Variants in DNAI4 observed in about 807,000 individuals in gnomAD.
DNAI4 encodes the protein WD repeat domain 78.
Under a neutral mutation model 105.8 loss-of-function variants are expected in DNAI4, and 85 were observed. The observed-to-expected ratio is 0.80, with a 90% CI of 0.67 to 0.96. The LOEUF (loss-of-function observed/expected upper bound fraction) is 0.96. Ranked by LOEUF, DNAI4 falls within the 40% of genes least tolerant of loss-of-function variation. The pLI is 0.00. For synonymous variants in DNAI4, 352 were observed against 331.5 expected (o/e 1.06, Z -0.67); for missense variants, 1,014 against 1,005.6 (o/e 1.01, Z -0.11).
At chr1:66,878,007 C>T (rs1353882348) in intron 4 of DNAI4, among the ~76,000 whole-genome samples, 1 of 152,060 alleles carries the variant, frequency 6.6e-6, no homozygotes, top group African/African-American at 2.4e-5. Flanking sequence ...TTATTTTCCC[C>T]CCTCTCTCTT....
intron 11 of DNAI4, 103 bp downstream of exon 11, chr1:66,835,523 C>T (rs1230945298): frequency 7.4e-6 from 9 of 1,208,826 alleles, no homozygotes; most frequent in Admixed American, 2.2e-5. Flanking sequence ...AATGGTATCA[C>T]TCTCAGTAAC....
intron 1 of DNAI4, among the ~76,000 whole-genome samples, chr1:66,906,378 G>A (rs1983860): frequency 6.6e-6 from 1 of 151,884 alleles, no homozygotes; most frequent in Non-Finnish European, 1.5e-5. Flanking sequence ...ATGGGGATGA[G>A]CCTCCCTGAG....
At position 66,827,904 on chromosome 1, in the gene DNAI4, T is replaced by C; in HGVS notation, c.2020A>G (p.Asn674Asp). ...MCFAFHPKDT[N>D]IYLAGTEEGH... Reference sequence around the variant, plus strand: ...TCTTCAGTGCCAGCCAAATAGATATTTGTGTCCTACAACACAAAACATCGA... The same window carrying C: ...TCTTCAGTGCCAGCCAAATAGATATCTGTGTCCTACAACACAAAACATCGA... The change falls in exon 14 of 17, where the codon AAT becomes GAT. Residue 674 changes from asparagine (N) to aspartate (D), a missense_variant. Transcript: ENST00000371026. 6.3e-7 allele frequency: 1 copy of C among 1,599,764 alleles called. No homozygotes were observed. The highest frequency in any genetic ancestry group is 1.1e-5 in the South Asian group (1 of 88,664).
In DNAI4 at chr1:66,899,331, A is replaced by G. The variant is rs530418184; in HGVS notation, c.345+5870T>C. Among the ~76,000 whole-genome samples, 7 of 152,238 alleles carry G rather than the reference A, an allele frequency of 4.6e-5. No individual in the cohort carries two copies. The South Asian group carries it at 1.2e-3, about 27-fold the overall frequency. On this transcript the variant is annotated intron_variant, in intron 2 of 16. Coordinates refer to ENST00000371026, the MANE Select transcript of DNAI4 (RefSeq NM_024763.5). The stretch of plus-strand genomic sequence containing the variant: ...ATATTTCATTGTGGGCTTGATTTCA[A>G]TTTCTCTGATGGCTAACAACGTCCA...
chr1:66,900,562 T>A (rs187332748), intron 2 of DNAI4, among the ~76,000 whole-genome samples: 2 of 152,230 alleles, frequency 1.3e-5, no homozygotes, highest in Non-Finnish European at 2.9e-5. Context: ...TTGAATTAGA[T>A]CTTATTTAAT....
intron 8 of DNAI4, among the ~76,000 whole-genome samples, chr1:66,843,018 C>T (rs781300449): frequency 2.6e-5 from 4 of 151,800 alleles, no homozygotes; most frequent in South Asian, 4.2e-4. Flanking sequence ...GGCAACAAAG[C>T]GAGACCTCAT....
chr1:66,920,628 C>A (rs1650407883), intron 1 of DNAI4, among the ~76,000 whole-genome samples: 1 of 152,184 alleles, frequency 6.6e-6, no homozygotes, highest in African/African-American at 2.4e-5. Flanking sequence ...CTGTGCTCCA[C>A]CTCCCTCAAG....
At chr1:66,908,062 A>G (rs955369216) in intron 1 of DNAI4, among the ~76,000 whole-genome samples, 3 of 152,172 alleles carry the variant, frequency 2.0e-5, no homozygotes, top group African/African-American at 7.2e-5. Context: ...TTCTTACCAT[A>G]CCTTTCCCTT....
intron 5 of DNAI4, among the ~76,000 whole-genome samples, chr1:66,873,450 C>A (rs959232360): frequency 6.7e-6 from 1 of 149,598 alleles, no homozygotes; most frequent in Non-Finnish European, 1.5e-5. Flanking sequence ...ATAGGGCTCT[C>A]GCCATGTTGC....
At chr1:66,844,968 C>A (rs373702949) in intron 8 of DNAI4, among the ~76,000 whole-genome samples, 1 of 151,786 alleles carries the variant, frequency 6.6e-6, no homozygotes, top group South Asian at 2.1e-4. Context: ...CTGAGGAGGG[C>A]GGATCACCTG....
intron 6 of DNAI4, among the ~76,000 whole-genome samples, chr1:66,864,758 T>A (rs1038806647): frequency 6.6e-6 from 1 of 152,272 alleles, no homozygotes; most frequent in Non-Finnish European, 1.5e-5. Flanking sequence ...GGAGAATCGC[T>A]TGAACCCAGG....
intron 2 of DNAI4, among the ~76,000 whole-genome samples, chr1:66,894,766 G>A (rs187820282): frequency 1.3e-5 from 2 of 152,158 alleles, no homozygotes; most frequent in East Asian, 3.9e-4. Context: ...GTTTATATGT[G>A]CTCAGGTCAT....
chr1:66,867,767 T>C (rs933355560), intron 6 of DNAI4, among the ~76,000 whole-genome samples: 3 of 152,202 alleles, frequency 2.0e-5, no homozygotes, highest in East Asian at 1.9e-4. Flanking sequence ...CTATTTGTTT[T>C]TGAATCCTTA....
intron 15 of DNAI4, among the ~76,000 whole-genome samples, chr1:66,824,728 A>G (rs904203745): frequency 2.0e-5 from 3 of 152,142 alleles, no homozygotes; most frequent in Non-Finnish European, 2.9e-5. Flanking sequence ...GTTGGTGTAT[A>G]AGAATGCTTG....
chr1:66,848,269 CG>C (rs1646320880), intron 7 of DNAI4: 1 of 456,144 alleles, frequency 2.2e-6, no homozygotes, highest in Non-Finnish European at 4.4e-6. Flanking sequence ...ATTGCATTCC[CG>C]CTGACCTTCT....
chr1:66,902,648 A>G (rs556318492), intron 2 of DNAI4, among the ~76,000 whole-genome samples: 2 of 152,154 alleles, frequency 1.3e-5, no homozygotes, highest in African/African-American at 4.8e-5. Context: ...TCTTTTCCCT[A>G]TTTTCCTCTA....
intron 4 of DNAI4, among the ~76,000 whole-genome samples, chr1:66,881,221 C>A (rs1569738382): frequency 6.6e-6 from 1 of 152,362 alleles, no homozygotes; most frequent in South Asian, 2.1e-4. Flanking sequence ...GGAGCCCCCA[C>A]ACAGAGTCCC....
chr1:66,839,948 G>A (rs1245380608), intron 9 of DNAI4, among the ~76,000 whole-genome samples: 24 of 152,066 alleles, frequency 1.6e-4, no homozygotes, highest in Admixed American at 1.4e-3. Flanking sequence ...GTGTTAGTAC[G>A]GTTAAAACAC....
At chr1:66,881,493 A>T (rs1647070239) in intron 4 of DNAI4, among the ~76,000 whole-genome samples, 2 of 152,232 alleles carry the variant, frequency 1.3e-5, no homozygotes, top group Admixed American at 6.5e-5. Flanking sequence ...TTTGAGTTTT[A>T]AAATTTGACT....
Sources: gnomAD v4.1 joint callset for allele counts (sites outside exome capture counted in the v4.1 genomes callset) on GRCh38, gnomAD v4.1.1 for gene constraint, MANE v1.5 for transcripts, NCBI Gene and HGNC (gene_info 2026-07-23, HGNC 2026-07-21) for gene names.